Variants in VTI1A observed in about 807,000 individuals in gnomAD.
The protein encoded by VTI1A is vesicle transport through interaction with t-SNAREs homolog 1A.
VTI1A carries 22 observed loss-of-function variants against 34.9 expected under a neutral mutation model. The ratio of observed to expected loss-of-function variants is 0.63; its 90% CI spans 0.45 to 0.90. VTI1A has a LOEUF of 0.90. Ranked by LOEUF, VTI1A falls within the 40% of genes least tolerant of loss-of-function variation. The pLI is 0.00. For missense variants in VTI1A, 268 were observed against 275.6 expected, an observed-to-expected ratio of 0.97 and a Z score of 0.20; for synonymous variants, 87 against 97.3, an observed-to-expected ratio of 0.89 and a Z score of 0.62.
intron 7 of VTI1A, among the ~76,000 whole-genome samples, chr10:112,758,772 A>G (rs934098193): frequency 1.3e-5 from 2 of 152,246 alleles, no homozygotes; most frequent in Non-Finnish European, 2.9e-5. Context: ...TGAGGTGCTT[A>G]TGGATGGCCC....
At chr10:112,722,331 T>TGA (rs1322147531) in intron 7 of VTI1A, among the ~76,000 whole-genome samples, 6 of 150,020 alleles carry the variant, frequency 4.0e-5, no homozygotes, top group Non-Finnish European at 8.9e-5. Context: ...GGACACAGGG[T>TGA]GAGGGACATC....
intron 1 of VTI1A, among the ~76,000 whole-genome samples, chr10:112,454,775 A>G (rs1434231173): frequency 6.6e-6 from 1 of 151,840 alleles, no homozygotes; most frequent in Admixed American, 6.6e-5. Flanking sequence ...TATAATACAT[A>G]TAGCAGTTAC....
intron 3 of VTI1A, among the ~76,000 whole-genome samples, chr10:112,522,373 A>G (rs1850056904): frequency 6.6e-6 from 1 of 152,122 alleles, no homozygotes; most frequent in South Asian, 2.1e-4. Flanking sequence ...ATTAGGAAGT[A>G]GGACAAGCTG....
intron 5 of VTI1A, among the ~76,000 whole-genome samples, chr10:112,562,736 AGGG>A (rs1214923196): frequency 2.6e-5 from 4 of 152,088 alleles, no homozygotes; most frequent in Admixed American, 2.6e-4. Context: ...GAATTTGAAA[AGGG>A]GGGAAAATCT....
intron 5 of VTI1A, among the ~76,000 whole-genome samples, chr10:112,540,246 T>C (rs1850814806): frequency 6.6e-6 from 1 of 152,208 alleles, no homozygotes; most frequent in Admixed American, 6.5e-5. Context: ...GATTTGATAG[T>C]TATTATTTTT....
intron 7 of VTI1A, among the ~76,000 whole-genome samples, chr10:112,805,375 T>C (rs1389603007): frequency 1.3e-5 from 2 of 152,216 alleles, no homozygotes; most frequent in South Asian, 2.1e-4. Context: ...AAAGATTGTA[T>C]TGGAACACAG....
chr10:112,466,923 A>G (rs1398666618), intron 3 of VTI1A, among the ~76,000 whole-genome samples: 1 of 152,118 alleles, frequency 6.6e-6, no homozygotes, highest in Non-Finnish European at 1.5e-5. Context: ...ATGTCTTCAT[A>G]TGTCTTCCCT....
intron 5 of VTI1A, among the ~76,000 whole-genome samples, chr10:112,559,006 A>G (rs1306331771): frequency 6.6e-6 from 1 of 152,228 alleles, no homozygotes; most frequent in Non-Finnish European, 1.5e-5. Flanking sequence ...TTTGAAGCCT[A>G]CCAGGGCTTT....
At chr10:112,783,922 G>A (rs940999147) in intron 7 of VTI1A, among the ~76,000 whole-genome samples, 2 of 152,210 alleles carry the variant, frequency 1.3e-5, no homozygotes, top group African/African-American at 4.8e-5. Context: ...AAGCAAGAAG[G>A]ACAGCCGAAG....
chr10:112,625,692 G>A (rs1285365172), intron 5 of VTI1A, among the ~76,000 whole-genome samples: 1 of 148,180 alleles, frequency 6.7e-6, no homozygotes, highest in Non-Finnish European at 1.5e-5. Flanking sequence ...ATAAGTAGGA[G>A]CTAGGCTGTG....
intron 3 of VTI1A, among the ~76,000 whole-genome samples, chr10:112,503,015 T>A (rs1249483601): frequency 1.3e-5 from 2 of 152,194 alleles, no homozygotes; most frequent in Non-Finnish European, 2.9e-5. Flanking sequence ...ACATAATAGA[T>A]GTACATATTT....
intron 3 of VTI1A, among the ~76,000 whole-genome samples, chr10:112,476,674 A>T (rs1848288423): frequency 6.6e-6 from 1 of 152,190 alleles, no homozygotes; most frequent in Admixed American, 6.5e-5. Flanking sequence ...ACTGAACTAG[A>T]AGATTTCATA....
rs187108003 is a variant in VTI1A at position 112,568,462 on chromosome 10, G to A, written c.427+30132G>A. 1.7e-4 allele frequency among the ~76,000 whole-genome samples: 26 copies of A among 151,986 alleles called. No individual in the cohort carries two copies. In the East Asian group the frequency reaches 1.8e-3, roughly 10 times the overall value. On this transcript the variant is annotated intron_variant, in intron 5 of 7. Coordinates refer to ENST00000393077, the MANE Select transcript of VTI1A (RefSeq NM_145206.4). ...GCGGAGGTTGCAGTGAGCTGAGATCGCGCCACTGCACTACAGCCTGGGCAA... is the reference window on the plus strand; with the variant it reads ...GCGGAGGTTGCAGTGAGCTGAGATCACGCCACTGCACTACAGCCTGGGCAA...
At chr10:112,825,463 A>T in the VTI1A span, 2 of 152,208 alleles carry the variant, frequency 1.3e-5, no homozygotes, top group South Asian at 2.1e-4. Flanking sequence ...CCCCCCCCAG[A>T]TCCAGTACCT....
intron 7 of VTI1A, among the ~76,000 whole-genome samples, chr10:112,697,341 A>G (rs7079005): frequency 0.42 from 62,501 of 149,660 alleles, 16,492 homozygotes; most frequent in African/African-American, 0.76. Flanking sequence ...CTATAGGTGC[A>G]TGCCTCCACA....
intron 7 of VTI1A, among the ~76,000 whole-genome samples, chr10:112,747,624 C>T (rs1057427866): frequency 2.0e-5 from 3 of 152,148 alleles, no homozygotes; most frequent in Non-Finnish European, 4.4e-5. Flanking sequence ...TAGAATAAAA[C>T]ATAAGAATAT....
chr10:112,588,290 A>G (rs767081594), intron 5 of VTI1A, among the ~76,000 whole-genome samples: 3 of 152,226 alleles, frequency 2.0e-5, no homozygotes, highest in African/African-American at 4.8e-5. Context: ...TAATTGGGCC[A>G]TACCATTATG....
intron 5 of VTI1A, among the ~76,000 whole-genome samples, chr10:112,613,058 T>C (rs2134524909): frequency 6.6e-6 from 1 of 152,274 alleles, no homozygotes; most frequent in Admixed American, 6.5e-5. Flanking sequence ...TTAATACTTA[T>C]TCAACAGAGT....
At chr10:112,624,123 G>A (rs1845831883) in intron 5 of VTI1A, among the ~76,000 whole-genome samples, 1 of 152,202 alleles carries the variant, frequency 6.6e-6, no homozygotes, top group African/African-American at 2.4e-5. Flanking sequence ...TTTATAATAT[G>A]TTGCTAATTA....
Sources: allele counts gnomAD v4.1 joint callset (sites outside exome capture counted in the v4.1 genomes callset), GRCh38; gene constraint gnomAD v4.1.1; transcripts MANE v1.5; gene names NCBI Gene and HGNC (gene_info 2026-07-23, HGNC 2026-07-21).